ARHGEF3: variants seen among roughly 807,000 people sequenced by gnomAD.
The protein encoded by ARHGEF3 is 59.8 kDA protein.
In ARHGEF3, 28 loss-of-function variants were observed where a neutral mutation model predicts 63.2. That is an observed-to-expected ratio of 0.44 (90% confidence interval 0.33 to 0.61). ARHGEF3 has a LOEUF of 0.61. Ranked by LOEUF, ARHGEF3 falls within the 20% of genes least tolerant of loss-of-function variation. The probability of loss-of-function intolerance (pLI) is 0.03; values close to 1 mark genes in which losing one functional copy is unlikely to be tolerated. For synonymous variants in ARHGEF3, 266 were observed against 254.2 expected (o/e 1.05, Z -0.44); for missense variants, 533 against 659.3 (o/e 0.81, Z 2.10).
intron 3 of ARHGEF3, among the ~76,000 whole-genome samples, chr3:56,931,458 C>A (rs1241463440): frequency 6.6e-6 from 1 of 151,576 alleles, no homozygotes; most frequent in East Asian, 1.9e-4. Flanking sequence ...TGCCTGCAGT[C>A]CCAGCTACTA....
At chr3:56,938,172 A>T (rs1698993005) in intron 3 of ARHGEF3, among the ~76,000 whole-genome samples, 2 of 152,184 alleles carry the variant, frequency 1.3e-5, no homozygotes. Context: ...ATGCACAAAA[A>T]AGCTGGTCCT....
chr3:56,902,619 C>G (rs1488010086), intron 3 of ARHGEF3, among the ~76,000 whole-genome samples: 3 of 152,166 alleles, frequency 2.0e-5, no homozygotes, highest in African/African-American at 7.2e-5. Flanking sequence ...TACTGAGTTT[C>G]GAGATGACTA....
In ARHGEF3 at chr3:56,745,204, C is replaced by T; in HGVS notation, c.870+1G>A. The T allele has an allele frequency of 6.2e-7, 1 of 1,611,088 alleles. No individual in the cohort carries two copies. The highest frequency in any genetic ancestry group is 1.1e-5 in the South Asian group (1 of 90,890). ...AGAGAGAAGGAAACAGACAAACTTA[C>T]AGCTTCTTCCAAGTGCTGCTGATCT... On this transcript the variant is annotated splice_donor_variant, in intron 7 of 9. Coordinates refer to ENST00000296315, the MANE Select transcript of ARHGEF3 (RefSeq NM_019555.3). LOFTEE classifies it high-confidence loss of function.
chr3:56,761,649 G>T (rs1364307682), intron 2 of ARHGEF3, among the ~76,000 whole-genome samples: 2 of 152,134 alleles, frequency 1.3e-5, no homozygotes, highest in Non-Finnish European at 2.9e-5. Context: ...GCTGGGCACT[G>T]TGAGGGGAGC....
chr3:56,797,087 G>A lies in ARHGEF3; in HGVS notation c.96+4616C>T, dbSNP rs1002593348. Among the ~76,000 whole-genome samples, 7 of 151,958 alleles carry A rather than the reference G, an allele frequency of 4.6e-5. No individual in the cohort carries two copies. In the South Asian group the frequency reaches 6.2e-4, roughly 14 times the overall value. ...GTTAGCGCTGTATATGAAACATCTC[G>A]TTTGACCCTCACTATGGTCCTAGGA... On this transcript the variant is annotated intron_variant, in intron 1 of 9. Coordinates refer to ENST00000296315, the MANE Select transcript of ARHGEF3 (RefSeq NM_019555.3).
chr3:56,747,106 G>T (rs1231612919), intron 6 of ARHGEF3, among the ~76,000 whole-genome samples: 1 of 147,926 alleles, frequency 6.8e-6, no homozygotes, highest in African/African-American at 2.5e-5. Flanking sequence ...GAACCCAAAC[G>T]TGGTACTGTG....
chr3:57,006,255 C>A (rs1418511532), intron 2 of ARHGEF3, among the ~76,000 whole-genome samples: 1 of 152,178 alleles, frequency 6.6e-6, no homozygotes, highest in African/African-American at 2.4e-5. Context: ...CACTGAGAAG[C>A]CAAGTTCTGC....
intron 1 of ARHGEF3, among the ~76,000 whole-genome samples, chr3:56,795,049 G>A (rs1238559231): frequency 7.7e-6 from 1 of 129,846 alleles, no homozygotes; most frequent in East Asian, 2.4e-4. Flanking sequence ...TTTTTTTTTA[G>A]AGATGGGGTC....
intron 1 of ARHGEF3, among the ~76,000 whole-genome samples, chr3:57,068,923 T>A (rs1419960814): frequency 2.0e-5 from 3 of 151,604 alleles, no homozygotes; most frequent in Non-Finnish European, 4.4e-5. Context: ...GATCTGATTT[T>A]TTTTTTTTTT....
chr3:56,885,981 A>C (rs1021803361), intron 3 of ARHGEF3, among the ~76,000 whole-genome samples: 5 of 152,172 alleles, frequency 3.3e-5, no homozygotes, highest in Non-Finnish European at 7.3e-5. Context: ...AGCACTTTTG[A>C]CACGCAAAAC....
chr3:56,923,077 A>ATATATATATATATAT (rs2042191813), intron 3 of ARHGEF3, among the ~76,000 whole-genome samples: 1 of 98,312 alleles, frequency 1.0e-5, no homozygotes, highest in African/African-American at 4.2e-5. Flanking sequence ...TATATATATA[A>ATATATATATATATAT]ATTAGTTGGG....
intron 2 of ARHGEF3, among the ~76,000 whole-genome samples, chr3:56,773,116 C>T (rs1282684977): frequency 6.6e-6 from 1 of 152,070 alleles, no homozygotes; most frequent in Non-Finnish European, 1.5e-5. Flanking sequence ...CTCAATTATG[C>T]CATAGTACAA....
rs1048990819 is a variant in ARHGEF3 at position 56,740,365 on chromosome 3, T to A, written c.871-3010A>T. On this transcript the variant is annotated intron_variant, in intron 7 of 9. Transcript: ENST00000296315. ...ATGTCAACCTAATATTAAATGTAAA[T>A]CCTGTAAAAGTAATTTGAGTTTTAT... Among the ~76,000 whole-genome samples the A allele has an allele frequency of 3.3e-5, 5 of 152,144 alleles. 1 individual carries two copies. Among genetic ancestry groups the A allele is most frequent in the Admixed American group, 6.5e-5 (1 of 15,292 alleles).
chr3:56,968,231 TATA>T (rs1378120881), intron 2 of ARHGEF3, among the ~76,000 whole-genome samples: 51 of 45,032 alleles, frequency 1.1e-3, no homozygotes, highest in African/African-American at 3.4e-3. Context: ...ATAATATATA[TATA>T]AATATATATA....
At chr3:57,067,658 G>C (rs1162673751) in intron 1 of ARHGEF3, among the ~76,000 whole-genome samples, 1 of 150,568 alleles carries the variant, frequency 6.6e-6, no homozygotes. Flanking sequence ...AATACAGAGA[G>C]ACCCAGTCTC....
At chr3:57,018,569 C>A (rs1703119007) in intron 2 of ARHGEF3, among the ~76,000 whole-genome samples, 1 of 152,134 alleles carries the variant, frequency 6.6e-6, no homozygotes, top group Admixed American at 6.6e-5. Context: ...GGCTCCAGAG[C>A]TGTGTTCTTA....
rs1203363813 is a variant in ARHGEF3, at chr3:56,922,177, A to C, written c.129+36646T>G. Among the ~76,000 whole-genome samples, 3 of 152,116 alleles carry C rather than the reference A, an allele frequency of 2.0e-5. 1 individual carries two copies. The highest frequency in any genetic ancestry group is 7.2e-5 in the African/African-American group (3 of 41,410). Reference sequence around the variant, plus strand: ...TAACACAAGAAGCAAGGGCCACCTGAAGAATTTCTGCATGAAGCACACAGG... The same window carrying C: ...TAACACAAGAAGCAAGGGCCACCTGCAGAATTTCTGCATGAAGCACACAGG... On this transcript the variant is annotated intron_variant, in intron 3 of 12. Coordinates refer to the ARHGEF3 transcript ENST00000338458.
chr3:56,844,905 G>A (rs899084092), intron 4 of ARHGEF3, among the ~76,000 whole-genome samples: 1 of 152,156 alleles, frequency 6.6e-6, no homozygotes, highest in Non-Finnish European at 1.5e-5. Flanking sequence ...ATAGAACATG[G>A]CAAGATGACA....
At chr3:56,953,476 C>T (rs537434253) in intron 3 of ARHGEF3, among the ~76,000 whole-genome samples, 1 of 152,172 alleles carries the variant, frequency 6.6e-6, no homozygotes, top group Non-Finnish European at 1.5e-5. Flanking sequence ...GTCCAGGAAA[C>T]AGAGTCCCTT....
Sources: allele counts gnomAD v4.1 joint callset (sites outside exome capture counted in the v4.1 genomes callset), GRCh38; gene constraint gnomAD v4.1.1; transcripts MANE v1.5; gene names NCBI Gene and HGNC (gene_info 2026-07-23, HGNC 2026-07-21).